The following WWOX variants were observed in gnomAD, a reference collection of about 807,000 sequenced individuals.
The protein encoded by WWOX is WW domain containing oxidoreductase.
A neutral mutation model predicts 46.2 loss-of-function variants in WWOX; 69 were observed. That is an observed-to-expected ratio of 1.49 (90% CI 1.23 to 1.82). The LOEUF is 1.82. Ranked by LOEUF, WWOX falls within the 40% of genes most tolerant of loss-of-function variation. WWOX has a pLI of 0.00. For missense variants in WWOX, 919 were observed against 542.6 expected, an observed-to-expected ratio of 1.69 and a Z score of -6.89; for synonymous variants, 359 against 202.6, an observed-to-expected ratio of 1.77 and a Z score of -6.56.
chr16:79,026,844 T>C (rs1389987306), intron 8 of WWOX, among the ~76,000 whole-genome samples: 4 of 149,050 alleles, frequency 2.7e-5, no homozygotes, highest in African/African-American at 1.0e-4. Context: ...TTAGCCAGGA[T>C]GGTCTCAATC....
intron 8 of WWOX, among the ~76,000 whole-genome samples, chr16:78,718,344 A>T (rs962395141): frequency 6.6e-6 from 1 of 152,116 alleles, no homozygotes; most frequent in Non-Finnish European, 1.5e-5. Flanking sequence ...GTGCCAAAAA[A>T]ATTTAAAAAA....
intron 8 of WWOX, chr16:79,204,410 T>TAGG (rs1441354188): frequency 6.6e-6 from 1 of 152,160 alleles, no homozygotes; most frequent in Non-Finnish European, 1.5e-5. Context: ...CTTCCCTCGT[T>TAGG]AGGAGTACCC....
At chr16:79,211,552 C>A in intron 8 of WWOX, 56 bp from the exon 9 acceptor site, 1 of 1,610,764 alleles carries the variant, frequency 6.2e-7, no homozygotes, top group South Asian at 1.1e-5. Context: ...GAAATGACGC[C>A]ATCTCATCAC....
chr16:78,240,771 C>G (rs1198526114), intron 5 of WWOX, among the ~76,000 whole-genome samples: 1 of 152,182 alleles, frequency 6.6e-6, no homozygotes, highest in East Asian at 1.9e-4. Context: ...CAGGCTGGGC[C>G]AGGCAGGTAT....
chr16:78,956,124 C>A (rs1041040131), intron 8 of WWOX, among the ~76,000 whole-genome samples: 41 of 151,864 alleles, frequency 2.7e-4, no homozygotes, highest in African/African-American at 9.7e-4. Context: ...CCCACTAGAT[C>A]CATGTATTTG....
intron 8 of WWOX, among the ~76,000 whole-genome samples, chr16:78,905,847 A>G (rs1305540531): frequency 1.3e-5 from 2 of 152,182 alleles, no homozygotes; most frequent in East Asian, 3.9e-4. Flanking sequence ...AGTTGCATCA[A>G]ACACGTTTCC....
At chr16:78,794,072 CATTT>C (rs2050677576) in intron 8 of WWOX, among the ~76,000 whole-genome samples, 1 of 152,122 alleles carries the variant, frequency 6.6e-6, no homozygotes, top group African/African-American at 2.4e-5. Context: ...CCCCAGCATT[CATTT>C]GTTAGGAGAT....
At chr16:78,956,578 A>G (rs1437210777) in intron 8 of WWOX, among the ~76,000 whole-genome samples, 5 of 152,164 alleles carry the variant, frequency 3.3e-5, no homozygotes, top group African/African-American at 1.2e-4. Context: ...AATGACATGT[A>G]TCTATCATAC....
intron 8 of WWOX, among the ~76,000 whole-genome samples, chr16:78,887,077 G>GGTGTGT (rs749992495): frequency 0.024 from 1,442 of 61,164 alleles, 54 homozygotes; most frequent in African/African-American, 0.06. Flanking sequence ...GTGTGTGTGT[G>GGTGTGT]GTGTGTGTGT....
chr16:78,312,594 C>T (rs1325780321), intron 5 of WWOX, among the ~76,000 whole-genome samples: 1 of 152,020 alleles, frequency 6.6e-6, no homozygotes, highest in Non-Finnish European at 1.5e-5. Context: ...AGGCTGGTGT[C>T]GAACTCCTGA....
chr16:78,576,221 A>G (rs985965311), intron 8 of WWOX, among the ~76,000 whole-genome samples: 2 of 152,214 alleles, frequency 1.3e-5, no homozygotes, highest in African/African-American at 4.8e-5. Context: ...TATCTTTTAA[A>G]TAGGCTTCCT....
At chr16:78,210,571 C>G (rs151248720) in intron 5 of WWOX, among the ~76,000 whole-genome samples, 1 of 152,124 alleles carries the variant, frequency 6.6e-6, no homozygotes, top group Non-Finnish European at 1.5e-5. Flanking sequence ...CTAAATCCTG[C>G]GTTTTCTCAC....
intron 8 of WWOX, among the ~76,000 whole-genome samples, chr16:78,697,435 A>T (rs576411606): frequency 2.0e-5 from 3 of 152,334 alleles, no homozygotes; most frequent in African/African-American, 7.2e-5. Context: ...GCTTTTGCCC[A>T]GCAAAAGGAA....
intron 4 of WWOX, among the ~76,000 whole-genome samples, chr16:78,131,215 A>C (rs1318879309): frequency 1.3e-5 from 2 of 152,132 alleles, no homozygotes; most frequent in African/African-American, 4.8e-5. Context: ...GAACATTTAA[A>C]TTGATTCGCT....
rs530076276 is a variant in WWOX, at chr16:78,865,008, C to G, written c.1057-346600C>G. Among the ~76,000 whole-genome samples, 4 of 152,048 alleles carry G rather than the reference C, an allele frequency of 2.6e-5. No homozygotes were observed. In the East Asian group the frequency reaches 7.8e-4, roughly 30 times the overall value. On this transcript the variant is annotated intron_variant, in intron 8 of 8. Coordinates refer to ENST00000566780, the MANE Select transcript of WWOX (RefSeq NM_016373.4). Reference sequence around the variant, plus strand: ...GAACTCCTGACCTCAAGTGATCCACCCATCTTGGCCTCCCAAAGTGCTGTG... The same window carrying G: ...GAACTCCTGACCTCAAGTGATCCACGCATCTTGGCCTCCCAAAGTGCTGTG...
At chr16:78,694,280 G>A (rs903083947) in intron 8 of WWOX, among the ~76,000 whole-genome samples, 2 of 152,088 alleles carry the variant, frequency 1.3e-5, no homozygotes, top group Non-Finnish European at 2.9e-5. Context: ...GGGTCAAAGC[G>A]ATCCCCCCAG....
At chr16:78,889,305 A>C (rs945315259) in intron 8 of WWOX, among the ~76,000 whole-genome samples, 1 of 151,594 alleles carries the variant, frequency 6.6e-6, no homozygotes, top group African/African-American at 2.4e-5. Flanking sequence ...TGCATAGTCA[A>C]ATGCTTTCTA....
intron 8 of WWOX, among the ~76,000 whole-genome samples, chr16:79,129,893 G>GT (rs2049840982): frequency 6.6e-6 from 1 of 152,176 alleles, no homozygotes. Context: ...GGAGTGAAGT[G>GT]TAAGCGTCGC....
intron 8 of WWOX, among the ~76,000 whole-genome samples, chr16:78,611,086 C>T (rs1470419171): frequency 6.6e-6 from 1 of 152,062 alleles, no homozygotes; most frequent in Non-Finnish European, 1.5e-5. Context: ...ATGTATATCC[C>T]AGTGTGTGTG....
Sources: allele counts gnomAD v4.1 joint callset (sites outside exome capture counted in the v4.1 genomes callset), GRCh38; gene constraint gnomAD v4.1.1; transcripts MANE v1.5; gene names NCBI Gene and HGNC (gene_info 2026-07-23, HGNC 2026-07-21).